The following GRM1 variants were observed in gnomAD, a reference collection of about 807,000 sequenced individuals.
GRM1 encodes the protein metabotropic glutamate receptor 1.
A neutral mutation model predicts 90.9 loss-of-function variants in GRM1; 33 were observed. The observed-to-expected ratio is 0.36, with a 90% CI of 0.28 to 0.49. The LOEUF (loss-of-function observed/expected upper bound fraction) is 0.49. GRM1 is among the 20% of genes least tolerant of loss of function. The probability of loss-of-function intolerance (pLI) is 0.99; values close to 1 mark genes in which losing one functional copy is unlikely to be tolerated. For missense variants in GRM1, 1,190 were observed against 1,534.3 expected, an observed-to-expected ratio of 0.78 and a Z score of 3.75; for synonymous variants, 700 against 613.2, an observed-to-expected ratio of 1.14 and a Z score of -2.09.
intron 2 of GRM1, among the ~76,000 whole-genome samples, chr6:146,168,916 C>T (rs987568147): frequency 6.6e-6 from 1 of 151,930 alleles, no homozygotes; most frequent in Admixed American, 6.6e-5. Flanking sequence ...TTATGATAAG[C>T]CTTGATGTAG....
chr6:146,212,422 C>A (rs1779714198), intron 2 of GRM1, among the ~76,000 whole-genome samples: 1 of 152,178 alleles, frequency 6.6e-6, no homozygotes, highest in African/African-American at 2.4e-5. Flanking sequence ...AGTATAACCT[C>A]AAATAAATAA....
chr6:146,111,723 C>A (rs1775568195), intron 1 of GRM1, among the ~76,000 whole-genome samples: 1 of 152,094 alleles, frequency 6.6e-6, no homozygotes, highest in South Asian at 2.1e-4. Context: ...AAGGAGGCAG[C>A]ATATCATGTG....
intron 2 of GRM1, among the ~76,000 whole-genome samples, chr6:146,291,274 CA>C (rs1393212203): frequency 6.6e-6 from 1 of 151,348 alleles, no homozygotes; most frequent in African/African-American, 2.4e-5. Flanking sequence ...CTTTGAAATC[CA>C]ATTTAATATA....
intron 2 of GRM1, among the ~76,000 whole-genome samples, chr6:146,224,390 A>T (rs1780169931): frequency 6.6e-6 from 1 of 152,136 alleles, no homozygotes; most frequent in Admixed American, 6.6e-5. Flanking sequence ...AACTTGCTAA[A>T]TTAGTTCTAA....
chr6:146,354,920 G>A (rs1178797610), intron 4 of GRM1, among the ~76,000 whole-genome samples: 1 of 151,900 alleles, frequency 6.6e-6, no homozygotes, highest in Non-Finnish European at 1.5e-5. Context: ...TTTTTTCCCA[G>A]CTTTTGGGAC....
intron 7 of GRM1, among the ~76,000 whole-genome samples, chr6:146,425,705 T>C (rs1022321666): frequency 6.6e-6 from 1 of 152,246 alleles, no homozygotes; most frequent in African/African-American, 2.4e-5. Flanking sequence ...TAGTTCACCC[T>C]AAGCATCTTG....
At chr6:146,234,010 A>C (rs1308236188) in intron 2 of GRM1, among the ~76,000 whole-genome samples, 1 of 152,014 alleles carries the variant, frequency 6.6e-6, no homozygotes, top group Non-Finnish European at 1.5e-5. Context: ...TAGCATTGTT[A>C]TATCTTCCTT....
intron 5 of GRM1, among the ~76,000 whole-genome samples, chr6:146,375,414 GTT>G (rs1273062268): frequency 2.6e-5 from 4 of 151,942 alleles, no homozygotes; most frequent in Non-Finnish European, 5.9e-5. Flanking sequence ...AGATCCATTT[GTT>G]TTATAGTGCA....
intron 1 of GRM1, among the ~76,000 whole-genome samples, chr6:146,150,709 C>T (rs1396190721): frequency 1.3e-5 from 2 of 152,106 alleles, no homozygotes; most frequent in Non-Finnish European, 2.9e-5. Context: ...TATCTTCTCT[C>T]CCCACTACCA....
At chr6:146,295,101 GC>G (rs1462476011) in intron 2 of GRM1, among the ~76,000 whole-genome samples, 1 of 151,834 alleles carries the variant, frequency 6.6e-6, no homozygotes, top group Non-Finnish European at 1.5e-5. Context: ...CTACTTTCCT[GC>G]CTTCTGTTGG....
chr6:146,364,776 A>ATTT (rs11389715), intron 5 of GRM1, among the ~76,000 whole-genome samples: 49 of 141,816 alleles, frequency 3.5e-4, no homozygotes, highest in African/African-American at 1.2e-3. Flanking sequence ...CTCTTCTTCT[A>ATTT]TTTTTTTTTT....
intron 7 of GRM1, among the ~76,000 whole-genome samples, chr6:146,404,464 G>T (rs1430728868): frequency 6.6e-6 from 1 of 152,144 alleles, no homozygotes; most frequent in Non-Finnish European, 1.5e-5. Flanking sequence ...AGTGCCCAGG[G>T]AAGAAAGAGA....
intron 2 of GRM1, among the ~76,000 whole-genome samples, chr6:146,212,954 G>A (rs1381271252): frequency 6.6e-6 from 1 of 152,094 alleles, no homozygotes; most frequent in Non-Finnish European, 1.5e-5. Context: ...TGCTAGACTT[G>A]ATGCCAGAAG....
At chr6:146,054,059 T>A (rs368303297) in intron 1 of GRM1, among the ~76,000 whole-genome samples, 2 of 152,072 alleles carry the variant, frequency 1.3e-5, no homozygotes, top group East Asian at 3.9e-4. Context: ...AAGATATACT[T>A]CTTAATATAG....
At chr6:146,231,309 G>C (rs1355913864) in intron 2 of GRM1, among the ~76,000 whole-genome samples, 1 of 152,124 alleles carries the variant, frequency 6.6e-6, no homozygotes, top group Non-Finnish European at 1.5e-5. Context: ...TACTGAGGAT[G>C]TAACATTGCT....
intron 2 of GRM1, among the ~76,000 whole-genome samples, chr6:146,232,043 C>T (rs552520945): frequency 1.3e-5 from 2 of 152,148 alleles, no homozygotes; most frequent in East Asian, 3.9e-4. Flanking sequence ...CCACCTGGTC[C>T]TAAAGTTTTC....
Position 146,138,476 on chromosome 6 carries a change from G to A in GRM1, c.701-20872G>A, listed in dbSNP as rs189903049. Among the ~76,000 whole-genome samples, 3 of 152,094 alleles carry A rather than the reference G, an allele frequency of 2.0e-5. No homozygotes were observed. In the East Asian group the frequency reaches 5.8e-4, roughly 29 times the overall value. On this transcript the variant is annotated intron_variant, in intron 1 of 7. Transcript: ENST00000282753. ...TGGGTATTAGTTATTTAAATGTTTGGTAAAATTCAGCAGCAAAGCCATCAG... is the reference window on the plus strand; with the variant it reads ...TGGGTATTAGTTATTTAAATGTTTGATAAAATTCAGCAGCAAAGCCATCAG...
intron 2 of GRM1, among the ~76,000 whole-genome samples, chr6:146,195,384 C>G (rs930633558): frequency 2.0e-5 from 3 of 152,214 alleles, no homozygotes; most frequent in African/African-American, 7.2e-5. Flanking sequence ...TTTCACCTAT[C>G]TCTTCACCTC....
chr6:146,422,624 A>G (rs1778038023), intron 7 of GRM1, among the ~76,000 whole-genome samples: 1 of 152,210 alleles, frequency 6.6e-6, no homozygotes, highest in African/African-American at 2.4e-5. Flanking sequence ...AGGCCTCCTG[A>G]TTCAATGTCC....
Sources: gnomAD v4.1 joint callset for allele counts (sites outside exome capture counted in the v4.1 genomes callset) on GRCh38, gnomAD v4.1.1 for gene constraint, MANE v1.5 for transcripts, NCBI Gene and HGNC (gene_info 2026-07-23, HGNC 2026-07-21) for gene names.